MAST4: variants seen among roughly 807,000 people sequenced by gnomAD.
MAST4 encodes the protein microtubule associated serine/threonine kinase family member 4.
Under a neutral mutation model 162.7 loss-of-function variants are expected in MAST4, and 89 were observed. That is an observed-to-expected ratio of 0.55 (90% confidence interval 0.46 to 0.65). MAST4 has a LOEUF of 0.65. MAST4 is among the 30% of genes least tolerant of loss of function. The probability of loss-of-function intolerance (pLI) is 0.00; values close to 1 mark genes in which losing one functional copy is unlikely to be tolerated. For missense variants in MAST4, 3,153 were observed against 3,374.0 expected, an observed-to-expected ratio of 0.93 and a Z score of 1.62; for synonymous variants, 1,479 against 1,361.1, an observed-to-expected ratio of 1.09 and a Z score of -1.91.
At chr5:66,730,220 C>T (rs904060985) in intron 1 of MAST4, among the ~76,000 whole-genome samples, 1 of 152,152 alleles carries the variant, frequency 6.6e-6, no homozygotes, top group African/African-American at 2.4e-5. Flanking sequence ...ACTCTGCTCA[C>T]TTCATTATTA....
intron 3 of MAST4, among the ~76,000 whole-genome samples, chr5:66,898,050 C>G (rs924979275): frequency 1.3e-5 from 2 of 152,164 alleles, no homozygotes; most frequent in African/African-American, 4.8e-5. Context: ...GATAACACCT[C>G]AGGTACCTTT....
At chr5:67,130,092 A>G (rs1443408225) in intron 14 of MAST4, 118 bp from the exon 15 acceptor site, 4 of 871,886 alleles carry the variant, frequency 4.6e-6, no homozygotes, top group South Asian at 1.8e-5. Context: ...TGTGTGAGCT[A>G]CATTCCACCT....
chr5:67,123,567 G>A (rs1449467487), intron 14 of MAST4, among the ~76,000 whole-genome samples: 4 of 151,872 alleles, frequency 2.6e-5, no homozygotes, highest in Non-Finnish European at 5.9e-5. Flanking sequence ...ACAGAGTCAC[G>A]GATACCCTGA....
chr5:66,713,972 A>T (rs1460684100), intron 1 of MAST4, among the ~76,000 whole-genome samples: 1 of 152,206 alleles, frequency 6.6e-6, no homozygotes, highest in Admixed American at 6.5e-5. Flanking sequence ...CAACTCATTT[A>T]ATCCTGATGA....
rs923732915 is a variant in MAST4 at position 66,827,367 on chromosome 5, C to G, written c.642+38573C>G. Among the ~76,000 whole-genome samples the G allele has an allele frequency of 5.3e-5, 8 of 152,198 alleles. No homozygotes were observed. The East Asian group carries it at 7.7e-4, about 15-fold the overall frequency. On this transcript the variant is annotated intron_variant, in intron 3 of 28. Coordinates refer to ENST00000403625, the MANE Select transcript of MAST4 (RefSeq NM_001164664.2). ...GCCTAAGTGGAAAAACACCCTGACA[C>G]CCTTCTCTGCTGGGGTGGCATTTCT...
At chr5:66,690,045 C>G (rs1480938818) in intron 1 of MAST4, among the ~76,000 whole-genome samples, 1 of 152,112 alleles carries the variant, frequency 6.6e-6, no homozygotes, top group Admixed American at 6.6e-5. Context: ...CATTAATCAC[C>G]ATAAGTAATG....
At chr5:66,880,533 C>T (rs887352052) in intron 3 of MAST4, among the ~76,000 whole-genome samples, 21 of 152,202 alleles carry the variant, frequency 1.4e-4, no homozygotes, top group African/African-American at 4.3e-4. Context: ...CCTCTGTGCT[C>T]ACTTCTAACT....
At chr5:66,870,690 C>T (rs1355293314) in intron 3 of MAST4, 10 of 448,634 alleles carry the variant, frequency 2.2e-5, no homozygotes, top group South Asian at 9.8e-5. Context: ...CTGTCCCTCT[C>T]CCTTTTCTGA....
chr5:67,061,243 TAC>T (rs1759551013), intron 5 of MAST4, among the ~76,000 whole-genome samples: 1 of 152,202 alleles, frequency 6.6e-6, no homozygotes, highest in African/African-American at 2.4e-5. Flanking sequence ...CACCAAATAG[TAC>T]AGTGTTGAAG....
chr5:66,840,477 CTAT>C (rs1433862233), intron 3 of MAST4, among the ~76,000 whole-genome samples: 2 of 152,118 alleles, frequency 1.3e-5, no homozygotes, highest in African/African-American at 4.8e-5. Flanking sequence ...AATATGGTTA[CTAT>C]GAATCAAACT....
intron 1 of MAST4, among the ~76,000 whole-genome samples, chr5:66,669,330 C>T (rs1379006957): frequency 1.3e-5 from 2 of 152,166 alleles, no homozygotes; most frequent in African/African-American, 2.4e-5. Flanking sequence ...GGGGTGTACC[C>T]TATGCGTATT....
At chr5:66,744,388 G>A (rs1224881880) in intron 1 of MAST4, among the ~76,000 whole-genome samples, 2 of 152,186 alleles carry the variant, frequency 1.3e-5, no homozygotes, top group East Asian at 3.8e-4. Flanking sequence ...TTAATATGAA[G>A]TCATGAAATG....
At chr5:66,766,385 T>G (rs1049620804) in intron 2 of MAST4, among the ~76,000 whole-genome samples, 13 of 152,180 alleles carry the variant, frequency 8.5e-5, no homozygotes, top group African/African-American at 3.1e-4. Context: ...GCAGACAATA[T>G]AAACTAGAAT....
intron 5 of MAST4, among the ~76,000 whole-genome samples, chr5:67,077,699 G>A (rs73768188): frequency 0.08 from 12,176 of 152,194 alleles, 1,512 homozygotes; most frequent in African/African-American, 0.27. Context: ...AAATTGTCCT[G>A]AATCAATTGA....
At chr5:66,764,961 A>G (rs1324795800) in intron 2 of MAST4, among the ~76,000 whole-genome samples, 1 of 152,204 alleles carries the variant, frequency 6.6e-6, no homozygotes, top group Non-Finnish European at 1.5e-5. Flanking sequence ...ATTCATGGCA[A>G]GTATCCTATA....
intron 4 of MAST4, among the ~76,000 whole-genome samples, chr5:67,012,957 A>G (rs1752870773): frequency 1.3e-5 from 2 of 152,228 alleles, no homozygotes; most frequent in South Asian, 4.1e-4. Context: ...TTAGGCTTTG[A>G]TCAGTACTTG....
chr5:66,782,962 G>A (rs766746289), intron 2 of MAST4, among the ~76,000 whole-genome samples: 1 of 152,180 alleles, frequency 6.6e-6, no homozygotes, highest in Admixed American at 6.5e-5. Context: ...TATCAACTGT[G>A]TATCATGTTA....
chr5:67,013,850 G>A (rs144178095), intron 4 of MAST4, among the ~76,000 whole-genome samples: 3 of 152,132 alleles, frequency 2.0e-5, no homozygotes, highest in Admixed American at 6.6e-5. Context: ...TAAAGCACTC[G>A]AGGAAATATG....
intron 19 of MAST4, among the ~76,000 whole-genome samples, chr5:67,141,719 G>A (rs1234077975): frequency 1.3e-5 from 2 of 152,204 alleles, no homozygotes; most frequent in Non-Finnish European, 1.5e-5. Context: ...CAGAGGAAAT[G>A]TTGCTGTGAA....
Sources: gnomAD v4.1 joint callset for allele counts (sites outside exome capture counted in the v4.1 genomes callset) on GRCh38, gnomAD v4.1.1 for gene constraint, MANE v1.5 for transcripts, NCBI Gene and HGNC (gene_info 2026-07-23, HGNC 2026-07-21) for gene names.